FCHO1: variants seen among roughly 807,000 people sequenced by gnomAD.
The protein encoded by FCHO1 is F-BAR domain only protein 1.
A neutral mutation model predicts 114.4 loss-of-function variants in FCHO1; 45 were observed. That is an observed-to-expected ratio of 0.39 (90% CI 0.31 to 0.50). The LOEUF (loss-of-function observed/expected upper bound fraction) is 0.50, where lower values mean the gene tolerates loss of function less well. Ranked by LOEUF, FCHO1 falls within the 20% of genes least tolerant of loss-of-function variation. The probability of loss-of-function intolerance (pLI) is 0.77; values close to 1 mark genes in which losing one functional copy is unlikely to be tolerated. For missense variants in FCHO1, 1,042 were observed against 1,209.6 expected, an observed-to-expected ratio of 0.86 and a Z score of 2.06; for synonymous variants, 480 against 488.9, an observed-to-expected ratio of 0.98 and a Z score of 0.24.
intron 4 of FCHO1, 94 bp from the exon 5 acceptor site, chr19:17,762,668 G>A (rs1482823065): frequency 2.2e-6 from 2 of 889,348 alleles, no homozygotes; most frequent in African/African-American, 1.6e-5. Context: ...TACAGCCAAG[G>A]GGATGGACTT....
At chr19:17,758,558 A>ATGAAGTG (rs1468941599) in intron 4 of FCHO1, 1 of 152,248 alleles carries the variant, frequency 6.6e-6, no homozygotes, top group Non-Finnish European at 1.5e-5. Context: ...TGATTCTAGA[A>ATGAAGTG]TGAAGTGTGA....
At chr19:17,779,548 G>A (rs1158392359) in intron 20 of FCHO1, among the ~76,000 whole-genome samples, 7 of 149,658 alleles carry the variant, frequency 4.7e-5, no homozygotes, top group East Asian at 2.0e-4. Flanking sequence ...GGGAAGGAGC[G>A]GAGTCAAGGG....
rs200974277 is a variant in FCHO1, at chr19:17,784,897, A to T, written c.2399A>T (p.Asn800Ile). The T allele has an allele frequency of 6.2e-7, 1 of 1,612,734 alleles. No homozygotes were observed. The change falls in exon 26 of 29, where the codon AAC (asparagine) becomes ATC (isoleucine). Residue 800 changes from asparagine to isoleucine, a missense_variant. By Grantham distance (149) the Asn-to-Ile change is moderately radical. Transcript: ENST00000596536. This position sits in a 1 kb window ranked among gnomAD's most constrained non-coding sequence, Gnocchi z 5.3. The stretch of plus-strand genomic sequence containing the variant: ...CTGCCTGTGGGGGAGCCTGTGACCA[A>T]CGTCCGCTTGCAGCCGGCTGCCACC... ...ILLPVGEPVTNVRLQPAATWN... is the reference protein window; with the variant it reads ...ILLPVGEPVTIVRLQPAATWN...
chr19:17,774,157 CCT>C, intron 11 of FCHO1, 80 bp from the exon 12 acceptor site: 1 of 1,354,706 alleles, frequency 7.4e-7, no homozygotes, highest in East Asian at 2.3e-5. Context: ...GATCCGCCCG[CCT>C]TAGCCTCCCA....
chr19:17,773,532 C>T (rs1050285739), intron 11 of FCHO1, among the ~76,000 whole-genome samples: 7 of 152,304 alleles, frequency 4.6e-5, no homozygotes, highest in East Asian at 1.9e-4. Flanking sequence ...GTTTTGTCCT[C>T]CTCCTGCTCA....
intron 6 of FCHO1, 67 bp from the exon 7 acceptor site, chr19:17,766,602 A>G (rs2089265860): frequency 1.9e-6 from 3 of 1,599,846 alleles, no homozygotes; most frequent in Non-Finnish European, 2.6e-6. Flanking sequence ...TACCTGAGCC[A>G]GTGCCAGCGC....
intron 6 of FCHO1, among the ~76,000 whole-genome samples, chr19:17,764,794 G>A (rs1386717540): frequency 6.6e-6 from 1 of 151,974 alleles, no homozygotes; most frequent in Non-Finnish European, 1.5e-5. Flanking sequence ...GGCCAGGTGC[G>A]GTGGCTCATG....
At chr19:17,783,998 A>G (rs1034417054) in intron 24 of FCHO1, 105 bp from the exon 25 acceptor site, 15 of 1,409,652 alleles carry the variant, frequency 1.1e-5, no homozygotes, top group Non-Finnish European at 1.5e-5. Context: ...TGCTGGGCCC[A>G]GGGTGGGCCA....
At position 17,783,085 on chromosome 19, in the gene FCHO1, G is replaced by C. The variant is rs567973416; in HGVS notation, c.2006G>C (p.Gly669Ala). The C allele has an allele frequency of 6.2e-7, 1 of 1,614,076 alleles. No individual in the cohort carries two copies. Among genetic ancestry groups the C allele is most frequent in the African/African-American group, 1.3e-5 (1 of 75,004 alleles). Residue 669 changes from glycine to alanine, a missense_variant, in exon 24 of 29, where the codon GGG becomes GCG. By Grantham distance (60) the Gly-to-Ala change is moderately conservative. Coordinates refer to ENST00000596536, the MANE Select transcript of FCHO1 (RefSeq NM_015122.3). Reference sequence around the variant, plus strand: ...GCTGGCATCGTGCGTGTGTTCAGCGGGACCCCACCACCACCTGTCCTCAGC... The same window carrying C: ...GCTGGCATCGTGCGTGTGTTCAGCGCGACCCCACCACCACCTGTCCTCAGC... Reference protein sequence around the residue: ...FPAGIVRVFSGTPPPPVLSFR... With the variant: ...FPAGIVRVFSATPPPPVLSFR...
chr19:17,774,279 G>A lies in FCHO1; in HGVS notation c.831G>A (p.Gln277=), dbSNP rs768688899. ...AGGCATACAGTGCGGCTGCCCTGCA[G>A]GAAGGCAAGTACGTCTGGGCCTGGA... The part of the protein sequence containing the change: ...DFEAYSAAAL[Q]EAMKRLRGAK... The change falls in exon 12 of 29, where the codon CAG becomes CAA. Residue 277 remains glutamine (Q), a synonymous_variant. Coordinates refer to ENST00000596536, the MANE Select transcript of FCHO1 (RefSeq NM_015122.3). 6.2e-7 allele frequency: 1 copy of A among 1,614,146 alleles called. No homozygotes were observed. Among genetic ancestry groups the A allele is most frequent in the South Asian group, 1.1e-5 (1 of 91,082 alleles).
intron 9 of FCHO1, 55 bp downstream of exon 9, chr19:17,770,951 T>C: frequency 6.8e-7 from 1 of 1,479,400 alleles, no homozygotes; most frequent in Non-Finnish European, 9.4e-7. Context: ...GCCCTGGAGG[T>C]TATGGACTGC....
At chr19:17,750,003 C>A (rs1037803799), upstream of FCHO1, among the ~76,000 whole-genome samples, 5 of 152,302 alleles carry the variant, frequency 3.3e-5, no homozygotes, top group African/African-American at 9.6e-5. Context: ...GTCAGCGGCT[C>A]CGGACACCCA....
chr19:17,755,112 C>T lies in FCHO1; in HGVS notation c.-47-6C>T, dbSNP rs183393264. On this transcript the variant is annotated splice_region_variant and splice_polypyrimidine_tract_variant and intron_variant, in intron 3 of 28. Transcript: ENST00000596536. The stretch of plus-strand genomic sequence containing the variant: ...CTCTGTAGCTCAAACTTGCCTCTCT[C>T]TTCAGACAGGCACTGGACGGGGCCT... 173 of 1,584,300 alleles carry T rather than the reference C, an allele frequency of 1.1e-4. 2 individuals carry two copies. The East Asian group carries it at 1.6e-3, about 14-fold the overall frequency.
chr19:17,787,959 T>C, intron 28 of FCHO1, 113 bp downstream of exon 28: 1 of 1,348,056 alleles, frequency 7.4e-7, no homozygotes, highest in East Asian at 2.5e-5. Context: ...GATAGGTGGG[T>C]GTTGGGGCCA....
rs762052045 is a variant in FCHO1, at chr19:17,788,279, C to A, written c.2648-5C>A. ...CCCCTCCCCCTCACAGCTGCACCCC[C>A]ACAGGGATGTACCTGGTGAGCTGCT... On this transcript the variant is annotated splice_polypyrimidine_tract_variant and splice_region_variant and intron_variant, in intron 28 of 28. Coordinates refer to ENST00000596536, the MANE Select transcript of FCHO1 (RefSeq NM_015122.3). The A allele has an allele frequency of 3.7e-6, 6 of 1,602,710 alleles. No homozygotes were observed. Among genetic ancestry groups the A allele is most frequent in the Non-Finnish European group, 4.3e-6 (5 of 1,171,644 alleles).
chr19:17,772,269 G>T (rs182769627), intron 9 of FCHO1, among the ~76,000 whole-genome samples, 188 bp from the exon 10 acceptor site: 1 of 152,268 alleles, frequency 6.6e-6, no homozygotes, highest in East Asian at 1.9e-4. Context: ...TCAGCACATT[G>T]GCTCAGGAAT....
intron 4 of FCHO1, among the ~76,000 whole-genome samples, chr19:17,761,703 A>G (rs1334891743): frequency 6.6e-6 from 1 of 151,160 alleles, no homozygotes; most frequent in Non-Finnish European, 1.5e-5. Flanking sequence ...TCTGTTGCCC[A>G]GAGCTGGAGT....
Position 17,774,292 on chromosome 19 carries a change from G to T in FCHO1, c.835+9G>T. 1 of 1,614,102 alleles carries T rather than the reference G, an allele frequency of 6.2e-7. No individual in the cohort carries two copies. Among genetic ancestry groups the T allele is most frequent in the Non-Finnish European group, 8.5e-7 (1 of 1,180,008 alleles). On this transcript the variant is annotated intron_variant, in intron 12 of 28. Coordinates refer to ENST00000596536, the MANE Select transcript of FCHO1 (RefSeq NM_015122.3). ...GGCTGCCCTGCAGGAAGGCAAGTAC[G>T]TCTGGGCCTGGATGCCCAGGCTGGA...
intron 5 of FCHO1, among the ~76,000 whole-genome samples, chr19:17,763,526 A>T (rs1782528075): frequency 6.7e-6 from 1 of 149,724 alleles, no homozygotes; most frequent in Middle Eastern, 3.6e-3. Context: ...AGCCTCCAAA[A>T]GTGGTGGAAT....
Sources: gnomAD v4.1 joint callset for allele counts (sites outside exome capture counted in the v4.1 genomes callset) on GRCh38, gnomAD v4.1.1 for gene constraint, Gnocchi (gnomAD v3.1) non-coding constraint, MANE v1.5 for transcripts, NCBI Gene and HGNC (gene_info 2026-07-23, HGNC 2026-07-21) for gene names.